The following DENND2B variants were observed in gnomAD, a reference collection of about 807,000 sequenced individuals.
DENND2B encodes the protein DENN domain containing 2B, also known as DENN domain-containing protein 2B.
In DENND2B, 32 loss-of-function variants were observed where a neutral mutation model predicts 116.0. The observed-to-expected ratio is 0.28, with a 90% CI of 0.21 to 0.37. The LOEUF is 0.37. Among genes scored for constraint, DENND2B ranks in the 10% least tolerant of loss-of-function variants. The pLI is 1.00. For missense variants in DENND2B, 1,276 were observed against 1,477.7 expected, an observed-to-expected ratio of 0.86 and a Z score of 2.24; for synonymous variants, 588 against 583.9, an observed-to-expected ratio of 1.01 and a Z score of -0.10.
At chr11:8,878,045 A>G (rs181837940) in intron 2 of DENND2B, among the ~76,000 whole-genome samples, 202 of 152,360 alleles carry the variant, frequency 1.3e-3, no homozygotes, top group African/African-American at 4.5e-3. Context: ...CTGAACCTTC[A>G]ATGATTGTCA....
chr11:8,854,016 A>ATTTTT (rs71059187), intron 3 of DENND2B, among the ~76,000 whole-genome samples: 2,822 of 62,740 alleles, frequency 0.045, 338 homozygotes, highest in Non-Finnish European at 0.062. Flanking sequence ...GCCCCAGTTA[A>ATTTTT]TTTTTTTTTT....
intron 1 of DENND2B, among the ~76,000 whole-genome samples, chr11:8,890,013 T>G (rs1352734743): frequency 6.6e-6 from 1 of 152,102 alleles, no homozygotes; most frequent in African/African-American, 2.4e-5. Context: ...GACTGACACC[T>G]CACACGGCTG....
At chr11:8,897,181 C>T (rs1369012511) in intron 1 of DENND2B, among the ~76,000 whole-genome samples, 2 of 151,966 alleles carry the variant, frequency 1.3e-5, no homozygotes, top group Non-Finnish European at 1.5e-5. Flanking sequence ...CACTTGAACC[C>T]GGGAGGCAGA....
At chr11:8,891,383 C>T (rs1594347565) in intron 1 of DENND2B, among the ~76,000 whole-genome samples, 1 of 152,312 alleles carries the variant, frequency 6.6e-6, no homozygotes, top group East Asian at 1.9e-4. Flanking sequence ...CAAATTCACA[C>T]ATAACAATAT....
At position 8,731,158 on chromosome 11, in the gene DENND2B, G is replaced by T; in HGVS notation, c.132C>A (p.Ile44=). ...PPVLSPPRSP[I]YPLSDSETSA... is the part of the protein sequence containing the mutation. ...AGGTTTCACTATCACTGAGCGGGTA[G>T]ATGGGACTCCTTGGTGGGGAGAGAA... Residue 44 remains isoleucine, a synonymous_variant, in exon 3 of 20, where the codon ATC becomes ATA. Coordinates refer to ENST00000313726, the MANE Select transcript of DENND2B (RefSeq NM_213618.2). The T allele has an allele frequency of 3.2e-6, 5 of 1,556,260 alleles. No homozygotes were observed. The highest frequency in any genetic ancestry group is 4.3e-6 in the Non-Finnish European group (5 of 1,150,664).
At chr11:8,813,638 T>C (rs550755349), upstream of DENND2B, among the ~76,000 whole-genome samples, 2 of 152,306 alleles carry the variant, frequency 1.3e-5, no homozygotes, top group East Asian at 3.9e-4. Flanking sequence ...ATGCCAGGCA[T>C]TCTTTTAAGC....
intron 3 of DENND2B, chr11:8,845,486 T>C (rs368640601): frequency 6.6e-6 from 1 of 152,246 alleles, no homozygotes; most frequent in East Asian, 1.9e-4. Context: ...AAAGCAAGAA[T>C]TGGAAACCAT....
At position 8,730,766 on chromosome 11, in the gene DENND2B, C is replaced by T. The variant is rs545177809; in HGVS notation, c.524G>A (p.Arg175Gln). ...CATGCTCATCCTGGGCGACGCCTCT[C>T]GGCGACCTTCCCATGCTGATATCTT... ...REKISAWEGR[R>Q]EASPRMSMCG... The change falls in exon 3 of 20, where the codon CGA (arginine) becomes CAA (glutamine). Residue 175 changes from arginine (R) to glutamine (Q), a missense_variant. Transcript: ENST00000313726. This position sits in a 1 kb window ranked among gnomAD's most constrained non-coding sequence, Gnocchi z 4.1. 54 of 1,609,578 alleles carry T rather than the reference C, an allele frequency of 3.4e-5. No individual in the cohort carries two copies. In the South Asian group the frequency reaches 3.4e-4, roughly 10 times the overall value.
In DENND2B at chr11:8,702,160, C is replaced by T. The variant is rs1416713561; in HGVS notation, c.2720+412G>A. On this transcript the variant is annotated intron_variant, in intron 14 of 19. Transcript: ENST00000313726. This position sits in a 1 kb window ranked among gnomAD's most constrained non-coding sequence, Gnocchi z 4.6. The stretch of plus-strand genomic sequence containing the variant: ...ACTGTCCCCGGTCAGTGCTCTTGCC[C>T]CTTCCTCACAGCAGCTCTTTCCTCA... 6.6e-6 allele frequency among the ~76,000 whole-genome samples: 1 copy of T among 152,180 alleles called. No individual in the cohort carries two copies. Among genetic ancestry groups the T allele is most frequent in the Non-Finnish European group, 1.5e-5 (1 of 68,028 alleles).
chr11:8,877,527 AT>A (rs1341034922), intron 2 of DENND2B: 1 of 152,142 alleles, frequency 6.6e-6, no homozygotes, highest in Non-Finnish European at 1.5e-5. Flanking sequence ...CCTGAAGATA[AT>A]TTTTTATTGG....
In DENND2B at chr11:8,885,879, A is replaced by C. The variant is rs535756026; in HGVS notation, c.-255-4770T>G. Among the ~76,000 whole-genome samples, 8 of 152,320 alleles carry C rather than the reference A, an allele frequency of 5.3e-5. No individual in the cohort carries two copies. In the South Asian group the frequency reaches 8.3e-4, roughly 16 times the overall value. On this transcript the variant is annotated intron_variant, in intron 1 of 22. Transcript: ENST00000534127. ...TGTATGTTCAGCTATAATTACATTG[A>C]ATTTTCTGAAAGAGAGACTAATGTG...
At chr11:8,901,033 G>A (rs868527948) in intron 1 of DENND2B, among the ~76,000 whole-genome samples, 1 of 149,018 alleles carries the variant, frequency 6.7e-6, no homozygotes, top group African/African-American at 2.5e-5. Flanking sequence ...TTACAGGCGT[G>A]AGCCACCACA....
intron 1 of DENND2B, among the ~76,000 whole-genome samples, chr11:8,901,504 A>G (rs903908352): frequency 6.6e-6 from 1 of 152,088 alleles, no homozygotes; most frequent in African/African-American, 2.4e-5. Flanking sequence ...TGCTGGGATT[A>G]CAAGCATGAG....
intron 13 of DENND2B, among the ~76,000 whole-genome samples, chr11:8,706,517 C>G (rs1468618719): frequency 1.3e-5 from 2 of 152,080 alleles, no homozygotes; most frequent in Admixed American, 6.6e-5. Flanking sequence ...CCTCCTCCTG[C>G]TTCATTTAGT....
chr11:8,706,080 A>G (rs558272720), intron 13 of DENND2B, among the ~76,000 whole-genome samples: 2 of 152,198 alleles, frequency 1.3e-5, no homozygotes, highest in African/African-American at 4.8e-5. Flanking sequence ...CCCTGTCTCT[A>G]TAGAAAATAC....
upstream of DENND2B, chr11:8,810,771 G>A (rs956248794): frequency 3.3e-5 from 5 of 151,158 alleles, no homozygotes; most frequent in Admixed American, 3.3e-4. Context: ...CCTAGCGCGT[G>A]CACAAGGGCG....
chr11:8,804,901 T>C (rs992116354), intron 1 of DENND2B, among the ~76,000 whole-genome samples: 1 of 152,264 alleles, frequency 6.6e-6, no homozygotes, highest in Middle Eastern at 3.4e-3. Flanking sequence ...CATCAACCTG[T>C]TTGAGAGACA....
chr11:8,718,201 C>CCCAG (rs1207128434), intron 4 of DENND2B: 3 of 784,186 alleles, frequency 3.8e-6, no homozygotes, highest in Non-Finnish European at 6.4e-6. Flanking sequence ...CCTGCCTGTG[C>CCCAG]CCAGCCAGAG....
intron 1 of DENND2B, among the ~76,000 whole-genome samples, chr11:8,790,416 C>T (rs375025032): frequency 2.0e-5 from 3 of 152,136 alleles, no homozygotes; most frequent in African/African-American, 4.8e-5. Context: ...AGGGGCCTAA[C>T]GAATGTATGC....
Sources: gnomAD v4.1 joint callset for allele counts (sites outside exome capture counted in the v4.1 genomes callset) on GRCh38, gnomAD v4.1.1 for gene constraint, Gnocchi (gnomAD v3.1) non-coding constraint, MANE v1.5 for transcripts, NCBI Gene and HGNC (gene_info 2026-07-23, HGNC 2026-07-21) for gene names.